PRUNE2: variants seen among roughly 807,000 people sequenced by gnomAD.
PRUNE2 encodes protein prune homolog 2.
Under a neutral mutation model 252.0 loss-of-function variants are expected in PRUNE2, and 164 were observed. The ratio of observed to expected loss-of-function variants is 0.65; its 90% CI spans 0.57 to 0.74. PRUNE2 has a LOEUF of 0.74. Ranked by LOEUF, PRUNE2 falls within the 30% of genes least tolerant of loss-of-function variation. The pLI is 0.00. For missense variants in PRUNE2, 3,495 were observed against 3,711.0 expected, an observed-to-expected ratio of 0.94 and a Z score of 1.51; for synonymous variants, 1,292 against 1,350.2, an observed-to-expected ratio of 0.96 and a Z score of 0.94.
intron 6 of PRUNE2, among the ~76,000 whole-genome samples, chr9:76,807,041 TGTG>T (rs1358702502): frequency 2.0e-5 from 3 of 147,424 alleles, no homozygotes; most frequent in Non-Finnish European, 4.5e-5. Context: ...TGTGTGTGTG[TGTG>T]TGTGTGTGCG....
At chr9:76,784,780 C>T (rs7862512) in intron 6 of PRUNE2, 13,040 of 152,338 alleles carry the variant, frequency 0.086, 1,610 homozygotes, top group African/African-American at 0.27. Context: ...TACTAGCACA[C>T]AGCATGATCA....
rs1177733269 is a variant in PRUNE2 at position 76,741,637 on chromosome 9, C to T, written c.757-27916G>A. On this transcript the variant is annotated intron_variant, in intron 6 of 18. Transcript: ENST00000376718. ...ACATACCTCACAAACTTCCTGCTTA[C>T]CATCAAACGCCTCCATTTATCAAAA... Among the ~76,000 whole-genome samples the T allele has an allele frequency of 2.0e-5, 3 of 152,176 alleles. No homozygotes were observed. The East Asian group carries it at 5.8e-4, about 29-fold the overall frequency.
intron 9 of PRUNE2, among the ~76,000 whole-genome samples, chr9:76,672,121 A>G (rs1215217034): frequency 6.6e-6 from 1 of 151,962 alleles, no homozygotes; most frequent in East Asian, 1.9e-4. Flanking sequence ...TTGGATAAAG[A>G]GTCAAGACCC....
At position 76,636,382 on chromosome 9, in the gene PRUNE2, A is replaced by G. The variant is rs576526853; in HGVS notation, c.9050+89T>C. The G allele has an allele frequency of 7.7e-5, 57 of 738,788 alleles. No individual in the cohort carries two copies. The African/African-American group carries it at 8.2e-4, about 11-fold the overall frequency. The allele number at this position is 738,788 out of a possible 1,614,324, so 45.8% of individuals were successfully genotyped here. ...CAAATATATTTCCCTGGGTACTCTTAGTTTATGAATTCTTGTTTTTAGGAC... is the reference window on the plus strand; with the variant it reads ...CAAATATATTTCCCTGGGTACTCTTGGTTTATGAATTCTTGTTTTTAGGAC... On this transcript the variant is annotated intron_variant, in intron 15 of 18. Transcript: ENST00000376718.
At position 76,708,852 on chromosome 9, in the gene PRUNE2, C is replaced by CA. The variant is rs746520618; in HGVS notation, c.3421dup (p.Cys1141LeufsTer10). The stretch of plus-strand genomic sequence containing the variant: ...ACTGGGGATTGCCGCACCCCCACTG[C>CA]AGTCATCCCAGTCCAAATCATTGTC... On this transcript the variant is annotated frameshift_variant, in exon 8 of 19. Coordinates refer to ENST00000376718, the MANE Select transcript of PRUNE2 (RefSeq NM_015225.3). LOFTEE classifies it high-confidence loss of function. 8 of 1,613,994 alleles carry CA rather than the reference C, an allele frequency of 5.0e-6. No homozygotes were observed. Among genetic ancestry groups the CA allele is most frequent in the African/African-American group, 1.3e-5 (1 of 75,046 alleles).
At chr9:76,779,317 A>G (rs992433138) in intron 6 of PRUNE2, among the ~76,000 whole-genome samples, 1 of 152,054 alleles carries the variant, frequency 6.6e-6, no homozygotes, top group Non-Finnish European at 1.5e-5. Context: ...ACATAATCCA[A>G]CCTGTGAGAT....
At chr9:76,736,115 A>G (rs545999382) in intron 6 of PRUNE2, among the ~76,000 whole-genome samples, 1 of 149,736 alleles carries the variant, frequency 6.7e-6, no homozygotes, top group East Asian at 2.0e-4. Flanking sequence ...TCAGCCTTAG[A>G]GATTAGTAGG....
intron 6 of PRUNE2, among the ~76,000 whole-genome samples, chr9:76,803,811 C>T (rs1026393947): frequency 6.6e-5 from 10 of 152,286 alleles, no homozygotes; most frequent in African/African-American, 2.4e-4. Flanking sequence ...TGTTACTTTC[C>T]GGAGTCTGTA....
At chr9:76,658,582 C>G (rs1850113764) in intron 9 of PRUNE2, among the ~76,000 whole-genome samples, 1 of 152,242 alleles carries the variant, frequency 6.6e-6, no homozygotes, top group Non-Finnish European at 1.5e-5. Flanking sequence ...TGATCAGTAA[C>G]TGAAGCCTCT....
chr9:76,675,932 G>A (rs1174973984), intron 9 of PRUNE2, among the ~76,000 whole-genome samples: 1 of 114,418 alleles, frequency 8.7e-6, no homozygotes, highest in Non-Finnish European at 1.8e-5. Context: ...GAGGGAGGTG[G>A]GAGGGATATC....
In PRUNE2 at chr9:76,850,290, G is replaced by A. The variant is rs570130016; in HGVS notation, c.344+173C>T. On this transcript the variant is annotated intron_variant, in intron 3 of 18. Transcript: ENST00000376718. ...TCGAACTCCTGGCCTCAAGTGATCC[G>A]CCCACCTTGGCCTCCCAAAGTGCTG... Among the ~76,000 whole-genome samples the A allele has an allele frequency of 7.9e-5, 12 of 152,080 alleles. No homozygotes were observed. The South Asian group carries it at 1.7e-3, about 21-fold the overall frequency.
At chr9:76,621,336 T>C (rs1748551906) in intron 17 of PRUNE2, among the ~76,000 whole-genome samples, 2 of 152,192 alleles carry the variant, frequency 1.3e-5, no homozygotes, top group South Asian at 4.1e-4. Flanking sequence ...GGCTAAAAGG[T>C]AGTTGAAAAA....
chr9:76,887,900 C>A (rs1431991657), intron 1 of PRUNE2, among the ~76,000 whole-genome samples: 6 of 152,162 alleles, frequency 3.9e-5, no homozygotes, highest in African/African-American at 1.2e-4. Flanking sequence ...AAGAACCGCA[C>A]CTAAAATGAT....
intron 1 of PRUNE2, among the ~76,000 whole-genome samples, chr9:76,878,024 A>G (rs2061563121): frequency 6.6e-6 from 1 of 152,220 alleles, no homozygotes; most frequent in Admixed American, 6.5e-5. Context: ...AGAGGTAGGA[A>G]TCAATAGCTG....
intron 1 of PRUNE2, among the ~76,000 whole-genome samples, chr9:76,864,426 T>C (rs7039169): frequency 0.094 from 14,281 of 152,110 alleles, 2,234 homozygotes; most frequent in African/African-American, 0.33. Flanking sequence ...CAAACCTGCA[T>C]ATGTATTCCC....
In PRUNE2 at chr9:76,629,190, A is replaced by T. The variant is rs1836330169; in HGVS notation, c.9149+2T>A. 1 of 1,579,458 alleles carries T rather than the reference A, an allele frequency of 6.3e-7. No homozygotes were observed. Among genetic ancestry groups the T allele is most frequent in the South Asian group, 1.1e-5 (1 of 89,004 alleles). ...CACATCTCTGAAACTGTCAGGACTT[A>T]CTTGATGATGCTCTCTGGAATGTGG... On this transcript the variant is annotated splice_donor_variant, in intron 16 of 18. Transcript: ENST00000376718. LOFTEE classifies it high-confidence loss of function.
chr9:76,679,909 T>C (rs1180675567), intron 9 of PRUNE2, among the ~76,000 whole-genome samples: 2 of 152,160 alleles, frequency 1.3e-5, no homozygotes, highest in Non-Finnish European at 1.5e-5. Context: ...TAGAAACTTC[T>C]AGCATAAAAC....
At chr9:76,637,674 TG>T (rs748576938) in intron 13 of PRUNE2, 125 bp from the exon 14 acceptor site, 2 of 778,498 alleles carry the variant, frequency 2.6e-6, no homozygotes, top group Non-Finnish European at 4.0e-6. Flanking sequence ...CTCTTTACCT[TG>T]GGAAGAATAC....
At chr9:76,796,681 T>C (rs1244568954) in intron 6 of PRUNE2, among the ~76,000 whole-genome samples, 3 of 152,198 alleles carry the variant, frequency 2.0e-5, no homozygotes, top group Non-Finnish European at 4.4e-5. Flanking sequence ...GTCCGGACAT[T>C]TGGCCAAACA....
Sources: gnomAD v4.1 joint callset for allele counts (sites outside exome capture counted in the v4.1 genomes callset) on GRCh38, gnomAD v4.1.1 for gene constraint, MANE v1.5 for transcripts, NCBI Gene and HGNC (gene_info 2026-07-23, HGNC 2026-07-21) for gene names.